The following ST6GALNAC5 variants were observed in gnomAD, a reference collection of about 807,000 sequenced individuals.
The protein encoded by ST6GALNAC5 is ST6 N-acetylgalactosaminide alpha-2,6-sialyltransferase 5.
Under a neutral mutation model 33.6 loss-of-function variants are expected in ST6GALNAC5, and 27 were observed. That is an observed-to-expected ratio of 0.80 (90% CI 0.59 to 1.11). The LOEUF (loss-of-function observed/expected upper bound fraction) is 1.11, where lower values mean the gene tolerates loss of function less well. ST6GALNAC5 is among the 50% of genes least tolerant of loss of function. The probability of loss-of-function intolerance (pLI) is 0.00; values close to 1 mark genes in which losing one functional copy is unlikely to be tolerated. For missense variants in ST6GALNAC5, 428 were observed against 454.0 expected, an observed-to-expected ratio of 0.94 and a Z score of 0.52; for synonymous variants, 194 against 171.2, an observed-to-expected ratio of 1.13 and a Z score of -1.04.
Position 76,911,803 on chromosome 1 carries a change from A to T in ST6GALNAC5, c.261+43061A>T, listed in dbSNP as rs183321558. Among the ~76,000 whole-genome samples, 509 of 151,880 alleles carry T rather than the reference A, an allele frequency of 3.4e-3. 2 individuals carry two copies. Among genetic ancestry groups the T allele is most frequent in the African/African-American group, 0.012 (495 of 41,428 alleles). On this transcript the variant is annotated intron_variant, in intron 2 of 4. Transcript: ENST00000477717. ...TCGGTGGTTTGATTGCGTCTATTTGATTCTTCTCTCTTTTTTTCTTTATTA... is the reference window on the plus strand; with the variant it reads ...TCGGTGGTTTGATTGCGTCTATTTGTTTCTTCTCTCTTTTTTTCTTTATTA...
chr1:76,996,149 G>T (rs1344454751), intron 2 of ST6GALNAC5, among the ~76,000 whole-genome samples: 1 of 152,208 alleles, frequency 6.6e-6, no homozygotes, highest in African/African-American at 2.4e-5. Flanking sequence ...CTTGTGCAAA[G>T]TTGCACAGCT....
intron 2 of ST6GALNAC5, among the ~76,000 whole-genome samples, chr1:76,905,474 T>C (rs1008693972): frequency 6.6e-6 from 1 of 152,108 alleles, no homozygotes. Context: ...CAGGTGCAAA[T>C]GGGAAGGGAA....
At chr1:77,030,167 A>G (rs1453915633) in intron 2 of ST6GALNAC5, among the ~76,000 whole-genome samples, 1 of 151,968 alleles carries the variant, frequency 6.6e-6, no homozygotes, top group Non-Finnish European at 1.5e-5. Context: ...TTACTAACCC[A>G]TTCATGTAGG....
intron 2 of ST6GALNAC5, among the ~76,000 whole-genome samples, chr1:76,936,961 T>C (rs943293812): frequency 1.4e-5 from 2 of 145,516 alleles, no homozygotes; most frequent in African/African-American, 2.8e-5. Context: ...AGGGTGTGTG[T>C]GTGTGTGTGT....
chr1:76,990,107 A>C (rs1031954972), intron 2 of ST6GALNAC5, among the ~76,000 whole-genome samples: 9 of 152,160 alleles, frequency 5.9e-5, no homozygotes, highest in African/African-American at 1.9e-4. Context: ...TGAGTTTTCC[A>C]TTCTTTATTT....
chr1:76,880,203 C>T (rs751648553), intron 2 of ST6GALNAC5, among the ~76,000 whole-genome samples: 3 of 152,128 alleles, frequency 2.0e-5, no homozygotes, highest in Non-Finnish European at 2.9e-5. Context: ...CTCTTAGGAG[C>T]GGTGAATCAG....
chr1:76,996,342 T>G (rs1270216170), intron 2 of ST6GALNAC5, among the ~76,000 whole-genome samples: 2 of 152,194 alleles, frequency 1.3e-5, no homozygotes, highest in Non-Finnish European at 2.9e-5. Flanking sequence ...ATGTATTAAG[T>G]GCCTACTATG....
chr1:76,967,857 A>T (rs1648567019), intron 2 of ST6GALNAC5, among the ~76,000 whole-genome samples: 1 of 152,164 alleles, frequency 6.6e-6, no homozygotes, highest in African/African-American at 2.4e-5. Context: ...GTCATTCAGG[A>T]GCAGGTTGTT....
chr1:76,930,135 T>G (rs564174637), intron 2 of ST6GALNAC5, among the ~76,000 whole-genome samples: 1 of 152,268 alleles, frequency 6.6e-6, no homozygotes, highest in Non-Finnish European at 1.5e-5. Flanking sequence ...CAAATCCTGA[T>G]CCTTCCCCCT....
chr1:76,922,026 G>T (rs952452269), intron 2 of ST6GALNAC5, among the ~76,000 whole-genome samples: 3 of 152,088 alleles, frequency 2.0e-5, no homozygotes, highest in African/African-American at 7.2e-5. Context: ...GTAAGAAAAA[G>T]AATATAAAAA....
chr1:76,927,051 T>C (rs530403412), intron 2 of ST6GALNAC5, among the ~76,000 whole-genome samples: 2 of 152,114 alleles, frequency 1.3e-5, no homozygotes, highest in South Asian at 4.1e-4. Context: ...ATTATAAATA[T>C]ACACTTCATG....
At chr1:76,978,678 CA>C (rs1164196524) in intron 2 of ST6GALNAC5, among the ~76,000 whole-genome samples, 4 of 152,148 alleles carry the variant, frequency 2.6e-5, no homozygotes, top group African/African-American at 9.7e-5. Flanking sequence ...TCATACTGAA[CA>C]GGGAAAAATT....
chr1:76,867,671 C>T lies in ST6GALNAC5; in HGVS notation c.-5C>T. Reference sequence around the variant, plus strand: ...TGAGGATTCTGCACAAAAGAGGTGCCCAAAATGAAGACCCTGATGGTGAGT... The same window carrying T: ...TGAGGATTCTGCACAAAAGAGGTGCTCAAAATGAAGACCCTGATGGTGAGT... On this transcript the variant is annotated 5_prime_UTR_variant, in exon 1 of 5. Transcript: ENST00000477717. 1 of 1,614,068 alleles carries T rather than the reference C, an allele frequency of 6.2e-7. No homozygotes were observed. Among genetic ancestry groups the T allele is most frequent in the Non-Finnish European group, 8.5e-7 (1 of 1,180,008 alleles).
chr1:76,982,304 A>C (rs909584802), intron 2 of ST6GALNAC5, among the ~76,000 whole-genome samples: 7 of 152,176 alleles, frequency 4.6e-5, no homozygotes, highest in African/African-American at 1.7e-4. Flanking sequence ...ATAAACAGTA[A>C]AGAGAAGACC....
intron 2 of ST6GALNAC5, among the ~76,000 whole-genome samples, chr1:77,004,025 C>T (rs1650283825): frequency 8.5e-6 from 1 of 117,378 alleles, no homozygotes; most frequent in African/African-American, 3.0e-5. Flanking sequence ...TTTCCTGAAT[C>T]TGAACGTTGG....
In ST6GALNAC5 at chr1:76,874,608, G is replaced by C. The variant is rs1653585638; in HGVS notation, c.261+5866G>C. Among the ~76,000 whole-genome samples, 3 of 152,154 alleles carry C rather than the reference G, an allele frequency of 2.0e-5. 1 individual carries two copies. In the South Asian group the frequency reaches 6.2e-4, roughly 32 times the overall value. On this transcript the variant is annotated intron_variant, in intron 2 of 4. Coordinates refer to ENST00000477717, the MANE Select transcript of ST6GALNAC5 (RefSeq NM_030965.3). ...AGCATGGGAGAAAGATGTAGGCTGG[G>C]AGACTAGGCCCATCTCACCATTTCA...
intron 4 of ST6GALNAC5, among the ~76,000 whole-genome samples, chr1:77,061,226 C>T (rs1158084531): frequency 6.6e-6 from 1 of 152,112 alleles, no homozygotes. Flanking sequence ...AGCATAGCAT[C>T]CAAACCAGGA....
intron 4 of ST6GALNAC5, among the ~76,000 whole-genome samples, chr1:77,060,389 T>C (rs1232273439): frequency 6.6e-6 from 1 of 152,158 alleles, no homozygotes; most frequent in Non-Finnish European, 1.5e-5. Context: ...GGGCAGTCTT[T>C]AGAAAGTCAG....
chr1:76,871,892 T>C (rs1653512833), intron 2 of ST6GALNAC5, among the ~76,000 whole-genome samples: 1 of 152,130 alleles, frequency 6.6e-6, no homozygotes, highest in Non-Finnish European at 1.5e-5. Flanking sequence ...CTCATTTCCA[T>C]CGTGTTACAT....
Sources: allele counts gnomAD v4.1 joint callset (sites outside exome capture counted in the v4.1 genomes callset), GRCh38; gene constraint gnomAD v4.1.1; transcripts MANE v1.5; gene names NCBI Gene and HGNC (gene_info 2026-07-23, HGNC 2026-07-21).